A2ML1: variants seen among roughly 807,000 people sequenced by gnomAD.
A2ML1 encodes alpha-2-macroglobulin-like protein 1.
A2ML1 carries 161 observed loss-of-function variants against 181.9 expected under a neutral mutation model. The ratio of observed to expected loss-of-function variants is 0.89; its 90% CI spans 0.78 to 1.01. The LOEUF is 1.01. Ranked by LOEUF, A2ML1 falls within the 50% of genes least tolerant of loss-of-function variation. A2ML1 has a pLI of 0.00. For synonymous variants in A2ML1, 663 were observed against 666.8 expected (o/e 0.99, Z 0.09); for missense variants, 1,670 against 1,768.1 (o/e 0.94, Z 1.00).
intron 7 of A2ML1, among the ~76,000 whole-genome samples, chr12:8,882,960 C>CCCTCA (rs1354914935): frequency 6.6e-6 from 1 of 152,266 alleles, no homozygotes; most frequent in African/African-American, 2.4e-5. Flanking sequence ...CGGCCTTTGA[C>CCCTCA]CCTCACACTT....
downstream of A2ML1, among the ~76,000 whole-genome samples, chr12:8,879,024 C>T (rs1211495250): frequency 6.6e-6 from 1 of 151,938 alleles, no homozygotes; most frequent in African/African-American, 2.4e-5. Flanking sequence ...TCCCCCAAGC[C>T]CAGGGTCACA....
chr12:8,863,952 A>T lies in A2ML1; in HGVS notation c.3661A>T (p.Ile1221Leu). Reference protein sequence around the residue: ...TQKEIAKATSIVAWLAKQHNA... With the variant: ...TQKEIAKATSLVAWLAKQHNA... ...AAAGGAGATAGCGAAGGCCACTAGC[A>T]TAGTGGCTTGGTTGGCCAAGCAACA... Residue 1221 changes from isoleucine to leucine, a missense_variant, in exon 29 of 36, where the codon ATA (isoleucine) becomes TTA (leucine). Coordinates refer to ENST00000299698, the MANE Select transcript of A2ML1 (RefSeq NM_144670.6). The T allele has an allele frequency of 6.2e-7, 1 of 1,613,376 alleles. No homozygotes were observed. Among genetic ancestry groups the T allele is most frequent in the Non-Finnish European group, 8.5e-7 (1 of 1,179,738 alleles).
intron 12 of A2ML1, chr12:8,844,995 A>G: frequency 1.4e-6 from 2 of 1,409,678 alleles, no homozygotes; most frequent in Non-Finnish European, 1.8e-6. Context: ...TTTCTCCTCT[A>G]GAGGGTTCAA....
intron 11 of A2ML1, 30 bp from the exon 12 acceptor site, chr12:8,843,104 T>C (rs748583456): frequency 6.2e-7 from 1 of 1,603,312 alleles, no homozygotes; most frequent in Non-Finnish European, 8.5e-7. Flanking sequence ...GAGCACATGC[T>C]AAAATTCTCT....
intron 10 of A2ML1, among the ~76,000 whole-genome samples, chr12:8,839,718 T>A (rs1168612090): frequency 3.3e-5 from 5 of 152,136 alleles, no homozygotes; most frequent in African/African-American, 1.2e-4. Context: ...TATAGCTCTG[T>A]AAGCAATTTT....
chr12:8,868,417 G>A (rs1944499661), intron 31 of A2ML1, 60 bp downstream of exon 31: 1 of 1,602,190 alleles, frequency 6.2e-7, no homozygotes, highest in East Asian at 2.2e-5. Context: ...GCTGAGCTGG[G>A]ACACTTGTGT....
At chr12:8,883,103 C>T (rs1264826502) in intron 7 of A2ML1, among the ~76,000 whole-genome samples, 3 of 152,052 alleles carry the variant, frequency 2.0e-5, no homozygotes, top group African/African-American at 7.2e-5. Context: ...AAGGAATGGC[C>T]TCCAAGGTGT....
At chr12:8,881,619 T>C (rs893509766), downstream of A2ML1, among the ~76,000 whole-genome samples, 2 of 152,222 alleles carry the variant, frequency 1.3e-5, no homozygotes, top group Non-Finnish European at 1.5e-5. Flanking sequence ...TGGCACAATT[T>C]GGACTGGCAT....
chr12:8,872,133 T>G (rs1047668781), intron 33 of A2ML1, among the ~76,000 whole-genome samples: 1 of 150,482 alleles, frequency 6.6e-6, no homozygotes, highest in African/African-American at 2.5e-5. Flanking sequence ...GAGCCGAGAT[T>G]GCGCCACTGC....
downstream of A2ML1, chr12:8,887,135 G>A (rs1381165182): frequency 2.0e-5 from 3 of 151,400 alleles, no homozygotes; most frequent in African/African-American, 7.3e-5. Context: ...GGGCAACAGA[G>A]CAAGACCCTG....
intron 10 of A2ML1, among the ~76,000 whole-genome samples, chr12:8,840,670 G>A: frequency 6.6e-6 from 1 of 152,176 alleles, no homozygotes; most frequent in East Asian, 1.9e-4. Context: ...AGCACTTTGG[G>A]AGGCTGAGGC....
downstream of A2ML1, among the ~76,000 whole-genome samples, chr12:8,881,514 G>A (rs1259960307): frequency 6.6e-6 from 1 of 152,182 alleles, no homozygotes; most frequent in African/African-American, 2.4e-5. Context: ...TGGGAGAGGG[G>A]GAGAGAGACA....
At chr12:8,855,697 TAAC>T (rs1944042017) in intron 23 of A2ML1, 105 bp downstream of exon 23, 1 of 1,033,912 alleles carries the variant, frequency 9.7e-7, no homozygotes, top group Admixed American at 2.1e-5. Context: ...GTGTAACTAA[TAAC>T]AAGTGATGAA....
chr12:8,851,030 C>T (rs900845274), intron 18 of A2ML1, among the ~76,000 whole-genome samples: 9 of 152,184 alleles, frequency 5.9e-5, no homozygotes, highest in South Asian at 2.1e-4. Context: ...TGAGCCACTG[C>T]GCCCGGCCTA....
rs113013902 is a variant in A2ML1, at chr12:8,837,600, G to A, written c.855+34G>A. ...ATGACAGGTTAAAAAGGAACCTATC[G>A]GCCAGGCACGGTGGCTCACGCCTGT... is the stretch of plus-strand genomic sequence containing the variant. On this transcript the variant is annotated intron_variant, in intron 8 of 35. Transcript: ENST00000299698. The A allele has an allele frequency of 2.6e-3, 4,147 of 1,594,098 alleles. 80 individuals are homozygous for A. In the East Asian group the frequency reaches 0.027, roughly 11 times the overall value.
chr12:8,845,846 T>C (rs1943656587), intron 13 of A2ML1, among the ~76,000 whole-genome samples: 1 of 101,774 alleles, frequency 9.8e-6, no homozygotes, highest in South Asian at 3.0e-4. Flanking sequence ...CGAGACTCCG[T>C]CTCAAAAAAA....
At chr12:8,866,250 AGCCAAGATCGC>A (rs1944421837) in intron 29 of A2ML1, among the ~76,000 whole-genome samples, 1 of 140,116 alleles carries the variant, frequency 7.1e-6, no homozygotes. Flanking sequence ...GCTTGCAGTG[AGCCAAGATCGC>A]GCCACTGCAC....
chr12:8,829,656 A>G, intron 3 of A2ML1, 71 bp from the exon 4 acceptor site: 1 of 308,094 alleles, frequency 3.2e-6, no homozygotes, highest in Admixed American at 6.6e-5. Flanking sequence ...CCCTGTATCA[A>G]AAAAAAAAAA....
chr12:8,831,759 T>G (rs1024261148), intron 4 of A2ML1, among the ~76,000 whole-genome samples: 1 of 151,934 alleles, frequency 6.6e-6, no homozygotes, highest in African/African-American at 2.4e-5. Context: ...TTGTTTTTGT[T>G]TTTTTTTGAG....
Sources: allele counts gnomAD v4.1 joint callset (sites outside exome capture counted in the v4.1 genomes callset), GRCh38; gene constraint gnomAD v4.1.1; transcripts MANE v1.5; gene names NCBI Gene and HGNC (gene_info 2026-07-23, HGNC 2026-07-21).